Variants in CDKL4 observed in about 807,000 individuals in gnomAD.
The protein encoded by CDKL4 is cyclin dependent kinase like 4.
CDKL4 carries 44 observed loss-of-function variants against 42.0 expected under a neutral mutation model. That is an observed-to-expected ratio of 1.05 (90% CI 0.82 to 1.35). The LOEUF is 1.35. CDKL4 is among the 40% of genes most tolerant of loss of function. The pLI, the probability that CDKL4 is intolerant of heterozygous loss-of-function variation, is 0.00. For synonymous variants in CDKL4, 120 were observed against 121.6 expected, an observed-to-expected ratio of 0.99 and a Z score of 0.09; for missense variants, 393 against 369.9, an observed-to-expected ratio of 1.06 and a Z score of -0.51.
Position 39,218,337 on chromosome 2 carries a change from C to T in CDKL4, c.291-4865G>A, listed in dbSNP as rs574098855. 3.0e-4 allele frequency among the ~76,000 whole-genome samples: 46 copies of T among 152,130 alleles called. 1 individual carries two copies. The East Asian group carries it at 5.7e-3, about 19-fold the overall frequency. On this transcript the variant is annotated intron_variant, in intron 3 of 9. Coordinates refer to ENST00000451199, the Ensembl canonical transcript of CDKL4. ...GCCACATGGCAAGACCCTACCTCTA[C>T]TCAAAGTTTAAAAATTAGCCAGACA... is the stretch of plus-strand genomic sequence containing the variant.
intron 9 of CDKL4, chr2:39,178,902 G>A (rs1018835841): frequency 6.9e-7 from 1 of 1,458,598 alleles, no homozygotes. Flanking sequence ...GTTATATTAT[G>A]GGTATACGAT....
chr2:39,226,446 T>TATATATATATTATATATA (rs1678730008), intron 2 of CDKL4, among the ~76,000 whole-genome samples: 1 of 94,884 alleles, frequency 1.1e-5, no homozygotes, highest in African/African-American at 2.9e-5. Flanking sequence ...TTATATATAT[T>TATATATATATTATATATA]ATATATATAT....
At chr2:39,220,823 G>A (rs1269091827) in intron 3 of CDKL4, among the ~76,000 whole-genome samples, 1 of 151,394 alleles carries the variant, frequency 6.6e-6, no homozygotes, top group Non-Finnish European at 1.5e-5. Flanking sequence ...CTGACCTCAA[G>A]TGATCTGCCC....
At chr2:39,228,315 T>TA (rs1166659889) in intron 2 of CDKL4, among the ~76,000 whole-genome samples, 128 of 152,278 alleles carry the variant, frequency 8.4e-4, no homozygotes, top group African/African-American at 3.0e-3. Context: ...AACTTTTTTT[T>TA]ATCATGATGG....
At chr2:39,210,157 A>C (rs752783526) in intron 4 of CDKL4, among the ~76,000 whole-genome samples, 2 of 151,974 alleles carry the variant, frequency 1.3e-5, no homozygotes, top group Non-Finnish European at 2.9e-5. Flanking sequence ...TGCCCGGCTA[A>C]TTTTTGTATT....
chr2:39,183,375 A>G (rs947383702), intron 8 of CDKL4, among the ~76,000 whole-genome samples: 1 of 152,208 alleles, frequency 6.6e-6, no homozygotes, highest in African/African-American at 2.4e-5. Flanking sequence ...ACAATCCTTG[A>G]TGCACTGAGA....
chr2:39,242,989 A>G (rs1679735113), intron 1 of CDKL4, among the ~76,000 whole-genome samples: 1 of 151,838 alleles, frequency 6.6e-6, no homozygotes, highest in Admixed American at 6.6e-5. Flanking sequence ...AGTCCCAGCT[A>G]CTTGTGGGGC....
chr2:39,210,834 G>A (rs1362661321), intron 4 of CDKL4, among the ~76,000 whole-genome samples: 1 of 152,110 alleles, frequency 6.6e-6, no homozygotes, highest in Non-Finnish European at 1.5e-5. Flanking sequence ...TGAAAAATAG[G>A]TTTATGTATT....
chr2:39,185,418 ATATATATACATATGTATATATACATG>A (rs1675755448), intron 7 of CDKL4, among the ~76,000 whole-genome samples: 3 of 19,580 alleles, frequency 1.5e-4, no homozygotes, highest in Non-Finnish European at 5.1e-4. Context: ...ATATATACAT[ATATATATACATATGTATATATACATG>A]TATATATACA....
chr2:39,171,774 G>T (rs1029243662), downstream of CDKL4, among the ~76,000 whole-genome samples: 8 of 152,328 alleles, frequency 5.3e-5, no homozygotes, highest in Admixed American at 6.5e-5. Context: ...ACCAAGGTGG[G>T]AAGAGGCCAC....
chr2:39,178,578 A>T, intron 9 of CDKL4: 1 of 1,552,210 alleles, frequency 6.4e-7, no homozygotes, highest in East Asian at 2.4e-5. Context: ...TTCTGAAAGC[A>T]AGTGAAGGAC....
chr2:39,233,481 T>G (rs1679186822), intron 1 of CDKL4, among the ~76,000 whole-genome samples: 1 of 152,070 alleles, frequency 6.6e-6, no homozygotes, highest in Non-Finnish European at 1.5e-5. Flanking sequence ...CAAAAGAGAA[T>G]TCTGAATTGA....
intron 3 of CDKL4, among the ~76,000 whole-genome samples, chr2:39,215,286 CT>C (rs1677848763): frequency 6.6e-6 from 1 of 152,112 alleles, no homozygotes; most frequent in Admixed American, 6.6e-5. Context: ...TACATTTCTT[CT>C]TTTGTGTAAT....
At chr2:39,224,388 C>A (rs903939431) in intron 3 of CDKL4, among the ~76,000 whole-genome samples, 1 of 151,856 alleles carries the variant, frequency 6.6e-6, no homozygotes, top group Admixed American at 6.6e-5. Flanking sequence ...AAATAAAATC[C>A]TTACATATCT....
chr2:39,172,095 G>A (rs1393238805), downstream of CDKL4, among the ~76,000 whole-genome samples: 9 of 152,100 alleles, frequency 5.9e-5, no homozygotes, highest in African/African-American at 9.7e-5. Context: ...CGGATCACGA[G>A]GTCAGGGGTT....
exon 6 of CDKL4, chr2:39,190,472 G>T: frequency 6.2e-7 from 1 of 1,614,046 alleles, no homozygotes; most frequent in Non-Finnish European, 8.5e-7. Context: ...CCATCTCGTA[G>T]CTACATAATC....
At chr2:39,246,622 G>A (rs759582979), upstream of CDKL4, among the ~76,000 whole-genome samples, 13 of 152,198 alleles carry the variant, frequency 8.5e-5, no homozygotes, top group Non-Finnish European at 1.6e-4. Flanking sequence ...ATTTGCATAT[G>A]CCTTGGTCTA....
At chr2:39,240,824 T>C (rs549330609) in intron 1 of CDKL4, among the ~76,000 whole-genome samples, 1 of 152,224 alleles carries the variant, frequency 6.6e-6, no homozygotes, top group East Asian at 1.9e-4. Context: ...GAAGGGCACA[T>C]CTCCTCTGTG....
chr2:39,208,929 C>T (rs1189288343), intron 4 of CDKL4, among the ~76,000 whole-genome samples: 1 of 151,830 alleles, frequency 6.6e-6, no homozygotes, highest in African/African-American at 2.4e-5. Flanking sequence ...GAAAAGCAAC[C>T]CTCTCCTCAA....
Sources: gnomAD v4.1 joint callset for allele counts (sites outside exome capture counted in the v4.1 genomes callset) on GRCh38, gnomAD v4.1.1 for gene constraint, MANE v1.5 for transcripts, NCBI Gene and HGNC (gene_info 2026-07-23, HGNC 2026-07-21) for gene names.